CA10: variants seen among roughly 807,000 people sequenced by gnomAD.
CA10 encodes carbonic anhydrase-related protein 10.
Under a neutral mutation model 44.2 loss-of-function variants are expected in CA10, and 14 were observed. The observed-to-expected ratio is 0.32, with a 90% CI of 0.21 to 0.50. The LOEUF is 0.50. Ranked by LOEUF, CA10 falls within the 20% of genes least tolerant of loss-of-function variation. The probability of loss-of-function intolerance (pLI) is 0.99; values close to 1 mark genes in which losing one functional copy is unlikely to be tolerated. For synonymous variants in CA10, 159 were observed against 141.6 expected (o/e 1.12, Z -0.87); for missense variants, 350 against 409.7 (o/e 0.85, Z 1.26).
intron 2 of CA10, among the ~76,000 whole-genome samples, chr17:51,968,107 G>A (rs1984148644): frequency 6.6e-6 from 1 of 151,804 alleles, no homozygotes; most frequent in Non-Finnish European, 1.5e-5. Flanking sequence ...AACATTGCTG[G>A]AGGGAACATA....
chr17:51,874,514 C>A (rs531209605), intron 3 of CA10, among the ~76,000 whole-genome samples: 1 of 151,964 alleles, frequency 6.6e-6, no homozygotes, highest in Non-Finnish European at 1.5e-5. Flanking sequence ...TGTCAGGAGG[C>A]GGGCAGAGTT....
intron 3 of CA10, among the ~76,000 whole-genome samples, chr17:51,866,880 A>G (rs1293542812): frequency 3.3e-5 from 5 of 152,122 alleles, no homozygotes; most frequent in African/African-American, 4.8e-5. Context: ...ATAATTATCA[A>G]TATAAAAATT....
chr17:51,902,655 T>C (rs1156878253), intron 3 of CA10, among the ~76,000 whole-genome samples: 3 of 152,198 alleles, frequency 2.0e-5, no homozygotes, highest in African/African-American at 7.2e-5. Flanking sequence ...AGCCTATCAA[T>C]ATATCAGCTA....
chr17:51,979,609 G>C (rs1315541600), intron 2 of CA10, among the ~76,000 whole-genome samples: 1 of 152,092 alleles, frequency 6.6e-6, no homozygotes, highest in East Asian at 1.9e-4. Flanking sequence ...CATTTCATAA[G>C]AATGAAAACA....
intron 2 of CA10, among the ~76,000 whole-genome samples, chr17:51,947,381 T>C (rs1401780708): frequency 6.6e-6 from 1 of 152,104 alleles, no homozygotes; most frequent in Non-Finnish European, 1.5e-5. Flanking sequence ...CTGAGGTTTG[T>C]AAACACAGCA....
intron 6 of CA10, among the ~76,000 whole-genome samples, chr17:51,638,443 G>C (rs578093307): frequency 6.6e-6 from 1 of 152,240 alleles, no homozygotes; most frequent in Non-Finnish European, 1.5e-5. Context: ...ATGCTCGAGA[G>C]AGACACAGTG....
intron 1 of CA10, among the ~76,000 whole-genome samples, chr17:52,093,958 A>C (rs1043036052): frequency 6.6e-6 from 1 of 152,182 alleles, no homozygotes; most frequent in African/African-American, 2.4e-5. Context: ...TCAGCTCTAA[A>C]GATTACATCC....
chr17:52,127,872 T>C (rs1354702429), intron 1 of CA10, among the ~76,000 whole-genome samples: 1 of 152,238 alleles, frequency 6.6e-6, no homozygotes, highest in African/African-American at 2.4e-5. Flanking sequence ...GTGTTTCACC[T>C]GACCATTAAA....
chr17:51,635,731 AC>A, intron 7 of CA10, 123 bp downstream of exon 7: 1 of 666,934 alleles, frequency 1.5e-6, no homozygotes, highest in Non-Finnish European at 2.4e-6. Flanking sequence ...AGTTTAAACT[AC>A]CCAGTTTGTG....
chr17:51,965,195 A>AT (rs1350628131), intron 2 of CA10, among the ~76,000 whole-genome samples: 2 of 152,010 alleles, frequency 1.3e-5, no homozygotes, highest in Non-Finnish European at 2.9e-5. Context: ...TGACTGAATC[A>AT]GGAAGAAATT....
At chr17:52,115,942 A>T (rs1988886045) in intron 1 of CA10, among the ~76,000 whole-genome samples, 1 of 152,090 alleles carries the variant, frequency 6.6e-6, no homozygotes, top group African/African-American at 2.4e-5. Context: ...AAATACAAAA[A>T]TTATCTGGGT....
At chr17:52,076,237 A>G (rs1006373195) in intron 1 of CA10, among the ~76,000 whole-genome samples, 5 of 152,218 alleles carry the variant, frequency 3.3e-5, no homozygotes, top group African/African-American at 1.2e-4. Flanking sequence ...GGAAGAAGAA[A>G]GAAGCCCCTG....
chr17:51,964,876 T>G (rs925837978), intron 2 of CA10, among the ~76,000 whole-genome samples: 1 of 151,522 alleles, frequency 6.6e-6, no homozygotes, highest in African/African-American at 2.4e-5. Context: ...ACCCCAAAGC[T>G]AGCAATAGAA....
intron 2 of CA10, among the ~76,000 whole-genome samples, chr17:51,931,850 G>A (rs1319265959): frequency 2.0e-5 from 3 of 152,154 alleles, no homozygotes; most frequent in African/African-American, 7.2e-5. Context: ...ATGTATTTCT[G>A]TGGCAATTTC....
chr17:51,938,767 G>C (rs1275073527), intron 2 of CA10, among the ~76,000 whole-genome samples: 1 of 152,004 alleles, frequency 6.6e-6, no homozygotes, highest in Non-Finnish European at 1.5e-5. Context: ...ATCACCCCCT[G>C]TTTAACAAGC....
At chr17:51,889,349 CTG>C (rs1249509370) in intron 3 of CA10, among the ~76,000 whole-genome samples, 1 of 151,904 alleles carries the variant, frequency 6.6e-6, no homozygotes, top group Non-Finnish European at 1.5e-5. Flanking sequence ...TGGTGAAATC[CTG>C]TCTCTACGAA....
At chr17:51,696,944 C>T (rs1915422666) in intron 4 of CA10, among the ~76,000 whole-genome samples, 1 of 152,062 alleles carries the variant, frequency 6.6e-6, no homozygotes, top group African/African-American at 2.4e-5. Context: ...AAGAGACATC[C>T]CATAGATTGA....
chr17:52,095,279 A>T (rs12325742), intron 1 of CA10, among the ~76,000 whole-genome samples: 3,174 of 152,234 alleles, frequency 0.021, 119 homozygotes, highest in African/African-American at 0.073. Flanking sequence ...TCATAGTTAT[A>T]AAGGTCAGAA....
intron 4 of CA10, among the ~76,000 whole-genome samples, chr17:51,723,525 A>C (rs1470522781): frequency 6.6e-6 from 1 of 152,156 alleles, no homozygotes; most frequent in Non-Finnish European, 1.5e-5. Context: ...GTGCTCCCGC[A>C]GATATCATCT....
Sources: allele counts gnomAD v4.1 joint callset (sites outside exome capture counted in the v4.1 genomes callset), GRCh38; gene constraint gnomAD v4.1.1; transcripts MANE v1.5; gene names NCBI Gene and HGNC (gene_info 2026-07-23, HGNC 2026-07-21).